Variants in LINGO2 observed in about 807,000 individuals in gnomAD.
The protein encoded by LINGO2 is leucine-rich repeat and immunoglobulin-like domain-containing nogo receptor-interacting protein 2.
A neutral mutation model predicts 30.6 loss-of-function variants in LINGO2; 14 were observed. The observed-to-expected ratio is 0.46, with a 90% CI of 0.30 to 0.72. The LOEUF is 0.72. LINGO2 is among the 30% of genes least tolerant of loss of function. The pLI, the probability that LINGO2 is intolerant of heterozygous loss-of-function variation, is 0.07. For missense variants in LINGO2, 729 were observed against 751.7 expected (o/e 0.97, Z 0.35); for synonymous variants, 317 against 288.5 (o/e 1.10, Z -1.00).
At chr9:27,970,301 TG>T (rs1299127650) in intron 5 of LINGO2, among the ~76,000 whole-genome samples, 1 of 152,174 alleles carries the variant, frequency 6.6e-6, no homozygotes, top group East Asian at 1.9e-4. Flanking sequence ...AGTCATTGGC[TG>T]GTTTTTCCCT....
chr9:28,631,377 T>G (rs1217951538), intron 1 of LINGO2, among the ~76,000 whole-genome samples: 1 of 151,368 alleles, frequency 6.6e-6, no homozygotes, highest in African/African-American at 2.4e-5. Flanking sequence ...TCTATGGTTT[T>G]AGGTCTAACA....
At chr9:29,101,849 G>T in the LINGO2 span, among the ~76,000 whole-genome samples, 1 of 152,126 alleles carries the variant, frequency 6.6e-6, no homozygotes, top group South Asian at 2.1e-4. Flanking sequence ...CTTGGCTGTT[G>T]TGAATAGTGC....
the LINGO2 span, among the ~76,000 whole-genome samples, chr9:28,695,749 TAA>T: frequency 8.6e-4 from 122 of 142,420 alleles, no homozygotes; most frequent in African/African-American, 1.3e-3. Flanking sequence ...GCATTTCTGT[TAA>T]AAAAAAAAAA....
chr9:29,141,872 T>C, the LINGO2 span, among the ~76,000 whole-genome samples: 1 of 151,984 alleles, frequency 6.6e-6, no homozygotes, highest in East Asian at 1.9e-4. Flanking sequence ...CAATAATAAA[T>C]GTATATGCAC....
the LINGO2 span, among the ~76,000 whole-genome samples, chr9:28,731,501 A>G: frequency 3.3e-5 from 5 of 152,174 alleles, no homozygotes; most frequent in Admixed American, 6.5e-5. Flanking sequence ...ACATTTTAGA[A>G]GTGGAGAACA....
chr9:28,359,569 C>G (rs1820362368), intron 3 of LINGO2, among the ~76,000 whole-genome samples: 1 of 152,112 alleles, frequency 6.6e-6, no homozygotes, highest in Non-Finnish European at 1.5e-5. Context: ...CTTTTCATCT[C>G]AATCACTATC....
chr9:28,104,880 A>C (rs1454725904), intron 4 of LINGO2, among the ~76,000 whole-genome samples: 1 of 151,696 alleles, frequency 6.6e-6, no homozygotes, highest in Admixed American at 6.6e-5. Context: ...GAAAAATATA[A>C]GGTAGAATCC....
rs1254213575 is a variant in LINGO2 at position 28,666,398 on chromosome 9, G to C, written c.-365+3802C>G. Reference sequence around the variant, plus strand: ...GGTTTTATCCAATACATGAAAAGAAGTCTGATTAATGGCCAACACTTTATC... The same window carrying C: ...GGTTTTATCCAATACATGAAAAGAACTCTGATTAATGGCCAACACTTTATC... On this transcript the variant is annotated intron_variant, in intron 1 of 5. Transcript: ENST00000379992. Among the ~76,000 whole-genome samples, 3 of 152,068 alleles carry C rather than the reference G, an allele frequency of 2.0e-5. No individual in the cohort carries two copies. The East Asian group carries it at 5.8e-4, about 29-fold the overall frequency.
chr9:28,948,696 A>G, the LINGO2 span, among the ~76,000 whole-genome samples: 4 of 152,140 alleles, frequency 2.6e-5, no homozygotes, highest in Non-Finnish European at 5.9e-5. Flanking sequence ...CTTCTACAAA[A>G]TAATGAAATA....
At chr9:28,196,708 A>C (rs545755511) in intron 4 of LINGO2, among the ~76,000 whole-genome samples, 12 of 152,134 alleles carry the variant, frequency 7.9e-5, no homozygotes, top group African/African-American at 2.9e-4. Flanking sequence ...CATAATAAAA[A>C]TACCCAAAGA....
rs140606649 is a variant in LINGO2, at chr9:28,452,388, T to C, written c.-279+23552A>G. ...AACCATGTGTGAAACATGTATTTCA[T>C]AGAGGAATATATATGGGAAACTCTG... On this transcript the variant is annotated intron_variant, in intron 2 of 5. Transcript: ENST00000379992. Among the ~76,000 whole-genome samples the C allele has an allele frequency of 1.2e-3, 181 of 151,938 alleles. 2 individuals carry two copies. The highest frequency in any genetic ancestry group is 4.2e-3 in the African/African-American group (174 of 41,518).
At chr9:28,109,860 T>C (rs760548984) in intron 4 of LINGO2, among the ~76,000 whole-genome samples, 1 of 152,054 alleles carries the variant, frequency 6.6e-6, no homozygotes, top group African/African-American at 2.4e-5. Context: ...CAAGCTACTG[T>C]TGACTTTATT....
At chr9:28,111,873 T>C (rs1447260633) in intron 4 of LINGO2, among the ~76,000 whole-genome samples, 1 of 152,156 alleles carries the variant, frequency 6.6e-6, no homozygotes, top group East Asian at 1.9e-4. Context: ...ATTCAAACCA[T>C]ATCTTAGATG....
the LINGO2 span, among the ~76,000 whole-genome samples, chr9:28,926,877 C>T: frequency 1.3e-5 from 2 of 152,266 alleles, no homozygotes; most frequent in South Asian, 2.1e-4. Context: ...CTTTTCATGG[C>T]TGTCTTCTCC....
the LINGO2 span, among the ~76,000 whole-genome samples, chr9:29,150,506 C>G: frequency 2.0e-5 from 3 of 152,104 alleles, no homozygotes; most frequent in African/African-American, 7.2e-5. Context: ...AAGTTGAAAA[C>G]CAATCCAGGT....
the LINGO2 span, among the ~76,000 whole-genome samples, chr9:28,951,664 T>C: frequency 1.3e-5 from 2 of 152,160 alleles, no homozygotes; most frequent in East Asian, 2.0e-4. Flanking sequence ...TAGCAACACT[T>C]CTGAGAAGTG....
At chr9:28,720,814 C>CA in the LINGO2 span, among the ~76,000 whole-genome samples, 1 of 151,862 alleles carries the variant, frequency 6.6e-6, no homozygotes, top group African/African-American at 2.4e-5. Flanking sequence ...GCTTTTCATG[C>CA]AAAATAAAAT....
intron 4 of LINGO2, among the ~76,000 whole-genome samples, chr9:28,193,917 C>T (rs1819914498): frequency 6.6e-6 from 1 of 152,170 alleles, no homozygotes; most frequent in Non-Finnish European, 1.5e-5. Context: ...AGTCTCCAGG[C>T]AGTCATACTG....
chr9:29,195,588 T>C, the LINGO2 span, among the ~76,000 whole-genome samples: 1 of 152,056 alleles, frequency 6.6e-6, no homozygotes, highest in Non-Finnish European at 1.5e-5. Flanking sequence ...TTCCCTTTTC[T>C]CCACAACTAA....
Sources: gnomAD v4.1 joint callset for allele counts (sites outside exome capture counted in the v4.1 genomes callset) on GRCh38, gnomAD v4.1.1 for gene constraint, MANE v1.5 for transcripts, NCBI Gene and HGNC (gene_info 2026-07-23, HGNC 2026-07-21) for gene names.